The following BTD variants were observed in gnomAD, a reference collection of about 807,000 sequenced individuals.
BTD encodes biocytinase.
In BTD, 13 loss-of-function variants were observed where a neutral mutation model predicts 17.7. That is an observed-to-expected ratio of 0.74 (90% CI 0.48 to 1.17). BTD has a LOEUF of 1.17. Among genes scored for constraint, BTD ranks in the 50% most tolerant of loss-of-function variants. The probability of loss-of-function intolerance (pLI) is 0.00; values close to 1 mark genes in which losing one functional copy is unlikely to be tolerated. For synonymous variants in BTD, 240 were observed against 245.2 expected (o/e 0.98, Z 0.20); for missense variants, 674 against 650.4 (o/e 1.04, Z -0.39).
At position 15,652,576 on chromosome 3, in the gene BTD, C is replaced by T. The variant is rs1366864389; in HGVS notation, c.*7088C>T. Among the ~76,000 whole-genome samples the T allele has an allele frequency of 6.6e-6, 1 of 152,192 alleles. No homozygotes were observed. Among genetic ancestry groups the T allele is most frequent in the African/African-American group, 2.4e-5 (1 of 41,448 alleles). The stretch of plus-strand genomic sequence containing the variant: ...CATGAGAGACCCTGAGCCGGAACCA[C>T]CCCACAAAGTCACTCTTGATTTCCT... On this transcript the variant is annotated 3_prime_UTR_variant, in exon 4 of 4. Transcript: ENST00000643237.
At chr3:15,710,921 T>A (rs2072185603) in exon 4 of BTD, among the ~76,000 whole-genome samples, 1 of 152,208 alleles carries the variant, frequency 6.6e-6, no homozygotes. Context: ...TTTGAGAACA[T>A]ACTTTTTAAA....
intron 3 of BTD, among the ~76,000 whole-genome samples, chr3:15,672,798 C>T (rs138650750): frequency 9.2e-5 from 14 of 152,268 alleles, no homozygotes; most frequent in East Asian, 5.8e-4. Context: ...TTTTTTGAGA[C>T]GAAGTCTGGC....
rs1289601011 is a variant in BTD, at chr3:15,635,391, C to G, written c.-16-33C>G. 1 of 1,614,070 alleles carries G rather than the reference C, an allele frequency of 6.2e-7. No homozygotes were observed. Among genetic ancestry groups the G allele is most frequent in the South Asian group, 1.1e-5 (1 of 91,034 alleles). On this transcript the variant is annotated intron_variant, in intron 1 of 3. Coordinates refer to ENST00000643237, the MANE Select transcript of BTD (RefSeq NM_001370658.1). The surrounding 1 kb of genome is among the most constrained non-coding windows in gnomAD (Gnocchi z 4.1). Reference sequence around the variant, plus strand: ...TAAATTCTTGGCAGGATTCTTTATTCAGCTGTTTTCCCCTTGCCCCATTAC... The same window carrying G: ...TAAATTCTTGGCAGGATTCTTTATTGAGCTGTTTTCCCCTTGCCCCATTAC...
intron 2 of BTD, among the ~76,000 whole-genome samples, chr3:15,638,551 G>A (rs1271327730): frequency 6.6e-6 from 1 of 152,184 alleles, no homozygotes; most frequent in East Asian, 1.9e-4. Flanking sequence ...CTGGTTATAT[G>A]TTTTAAAACA....
intron 3 of BTD, chr3:15,708,206 A>G: frequency 2.2e-6 from 2 of 908,578 alleles, no homozygotes; most frequent in Non-Finnish European, 3.2e-6. Flanking sequence ...AGTCTTGCGG[A>G]GGACTGGACA....
At chr3:15,689,033 C>T (rs2068476325) in intron 3 of BTD, among the ~76,000 whole-genome samples, 1 of 152,154 alleles carries the variant, frequency 6.6e-6, no homozygotes, top group Non-Finnish European at 1.5e-5. Context: ...TACATAAACC[C>T]AACTTCTAAG....
chr3:15,654,620 G>C (rs552171523), downstream of BTD, among the ~76,000 whole-genome samples: 117 of 152,038 alleles, frequency 7.7e-4, no homozygotes, highest in Non-Finnish European at 2.8e-4. Flanking sequence ...TTGAGATGAA[G>C]TCTCACTCTG....
intron 1 of BTD, among the ~76,000 whole-genome samples, chr3:15,631,165 CAT>C (rs1406027280): frequency 6.6e-6 from 1 of 152,182 alleles, no homozygotes; most frequent in Non-Finnish European, 1.5e-5. Context: ...AGTCACTACA[CAT>C]AGAAATGTAT....
chr3:15,664,881 CTG>C (rs1303928326), intron 3 of BTD, among the ~76,000 whole-genome samples: 2 of 152,106 alleles, frequency 1.3e-5, no homozygotes, highest in Non-Finnish European at 2.9e-5. Context: ...AAGAGGAAGA[CTG>C]TTCAAAAAAC....
intron 2 of BTD, among the ~76,000 whole-genome samples, chr3:15,640,922 T>C (rs75716662): frequency 1.2e-3 from 181 of 152,334 alleles, no homozygotes; most frequent in South Asian, 2.1e-3. Flanking sequence ...TTTAAAAGTT[T>C]GCAATGCATT....
In BTD at chr3:15,652,316, A is replaced by G. The variant is rs1219666076; in HGVS notation, c.*6828A>G. Reference sequence around the variant, plus strand: ...ACTCCAGTCTGGGCAACAGAGCGACACTCCGTCTCCAAAAAAAAAAGATAC... The same window carrying G: ...ACTCCAGTCTGGGCAACAGAGCGACGCTCCGTCTCCAAAAAAAAAAGATAC... On this transcript the variant is annotated 3_prime_UTR_variant, in exon 4 of 4. Transcript: ENST00000643237. 6.6e-6 allele frequency among the ~76,000 whole-genome samples: 1 copy of G among 151,666 alleles called. No individual in the cohort carries two copies. The highest frequency in any genetic ancestry group is 1.5e-5 in the Non-Finnish European group (1 of 67,930).
At chr3:15,715,799 G>T (rs928589226), downstream of BTD, among the ~76,000 whole-genome samples, 2 of 151,828 alleles carry the variant, frequency 1.3e-5, no homozygotes, top group African/African-American at 2.4e-5. Flanking sequence ...AAAACACTCA[G>T]ATAACACATC....
chr3:15,610,346 CCT>C (rs1171645694), intron 1 of BTD, among the ~76,000 whole-genome samples: 1 of 152,210 alleles, frequency 6.6e-6, no homozygotes, highest in Non-Finnish European at 1.5e-5. Flanking sequence ...ATTGTGCAAG[CCT>C]CTATGTGCGG....
Position 15,652,749 on chromosome 3 carries a change from C to T in BTD, c.*7261C>T, listed in dbSNP as rs536023932. ...CATCCAAGTTAAAATTCATCCAACA[C>T]TCAATCTCCCAGCTATCCTGACTGC... On this transcript the variant is annotated 3_prime_UTR_variant, in exon 4 of 4. Transcript: ENST00000643237. Among the ~76,000 whole-genome samples, 74 of 152,210 alleles carry T rather than the reference C, an allele frequency of 4.9e-4. No individual in the cohort carries two copies. The highest frequency in any genetic ancestry group is 1.0e-3 in the Non-Finnish European group (69 of 68,042).
intron 3 of BTD, among the ~76,000 whole-genome samples, chr3:15,681,125 T>C (rs2067495882): frequency 6.6e-6 from 1 of 152,204 alleles, no homozygotes. Context: ...ACAGGTCCCT[T>C]GTACAAAATG....
intron 3 of BTD, among the ~76,000 whole-genome samples, chr3:15,703,414 C>T (rs2070903747): frequency 6.6e-6 from 1 of 152,176 alleles, no homozygotes; most frequent in Admixed American, 6.5e-5. Flanking sequence ...GGAGGTGGGG[C>T]CTTTAGGAGG....
chr3:15,717,265 A>C (rs1197902757), downstream of BTD, among the ~76,000 whole-genome samples: 1 of 152,110 alleles, frequency 6.6e-6, no homozygotes, highest in Non-Finnish European at 1.5e-5. Flanking sequence ...AGGCACACAC[A>C]ACTGGGCCTG....
downstream of BTD, among the ~76,000 whole-genome samples, chr3:15,713,031 A>G (rs2455836): frequency 0.49 from 74,382 of 152,066 alleles, 20,188 homozygotes; most frequent in Non-Finnish European, 0.6. Flanking sequence ...TTCAAACAAA[A>G]TATTACAATG....
In BTD at chr3:15,650,847, G is replaced by T. The variant is rs1226130812; in HGVS notation, c.*5359G>T. 6.6e-6 allele frequency among the ~76,000 whole-genome samples: 1 copy of T among 152,186 alleles called. No homozygotes were observed. Among genetic ancestry groups the T allele is most frequent in the African/African-American group, 2.4e-5 (1 of 41,440 alleles). On this transcript the variant is annotated 3_prime_UTR_variant, in exon 4 of 4. Coordinates refer to ENST00000643237, the MANE Select transcript of BTD (RefSeq NM_001370658.1). ...TGCAATGGCATGATCTCGGCTCACTGCAAGCTCTGCCTCCCGAGTTCAAGC... is the reference window on the plus strand; with the variant it reads ...TGCAATGGCATGATCTCGGCTCACTTCAAGCTCTGCCTCCCGAGTTCAAGC...
Sources: gnomAD v4.1 joint callset for allele counts (sites outside exome capture counted in the v4.1 genomes callset) on GRCh38, gnomAD v4.1.1 for gene constraint, Gnocchi (gnomAD v3.1) non-coding constraint, MANE v1.5 for transcripts, NCBI Gene and HGNC (gene_info 2026-07-23, HGNC 2026-07-21) for gene names.